TMEM38B: variants seen among roughly 807,000 people sequenced by gnomAD.
TMEM38B encodes trimeric intracellular cation channel type B.
In TMEM38B, 24 loss-of-function variants were observed where a neutral mutation model predicts 28.7. The ratio of observed to expected loss-of-function variants is 0.84; its 90% confidence interval spans 0.61 to 1.18. TMEM38B has a LOEUF of 1.18. Ranked by LOEUF, TMEM38B falls within the 50% of genes most tolerant of loss-of-function variation. The pLI, the probability that TMEM38B is intolerant of heterozygous loss-of-function variation, is 0.00. For missense variants in TMEM38B, 380 were observed against 350.9 expected (o/e 1.08, Z -0.66); for synonymous variants, 131 against 127.7 (o/e 1.03, Z -0.17).
chr9:105,713,648 G>A (rs969948139), intron 2 of TMEM38B, among the ~76,000 whole-genome samples: 1 of 152,176 alleles, frequency 6.6e-6, no homozygotes, highest in African/African-American at 2.4e-5. Flanking sequence ...AGGCAGACAG[G>A]CTTCTTGGTG....
intron 2 of TMEM38B, among the ~76,000 whole-genome samples, chr9:105,713,032 C>T (rs368475962): frequency 6.6e-6 from 1 of 152,362 alleles, no homozygotes; most frequent in African/African-American, 2.4e-5. Flanking sequence ...CAGTGCCATG[C>T]ACCACGGAGC....
chr9:105,741,688 C>G (rs780710805), intron 4 of TMEM38B, among the ~76,000 whole-genome samples: 5 of 152,110 alleles, frequency 3.3e-5, no homozygotes, highest in Non-Finnish European at 7.4e-5. Context: ...GCAAAGTGTT[C>G]CAGGTACAGC....
chr9:105,733,415 T>C (rs1451105553), intron 4 of TMEM38B, among the ~76,000 whole-genome samples: 2 of 138,210 alleles, frequency 1.4e-5, no homozygotes, highest in African/African-American at 6.4e-5. Context: ...TGCAGTTTTC[T>C]TTTTTCTTTT....
chr9:105,761,075 T>G (rs886295351), intron 5 of TMEM38B, among the ~76,000 whole-genome samples: 1 of 152,228 alleles, frequency 6.6e-6, no homozygotes, highest in African/African-American at 2.4e-5. Context: ...GATTAAACTA[T>G]AATTCTGTTT....
chr9:105,773,949 C>T lies in TMEM38B; in HGVS notation c.745C>T (p.Gln249Ter). Residue 249 changes from glutamine (Q) to a stop codon, truncating the protein, a stop_gained, in exon 6 of 6, where the codon CAG (glutamine) becomes TAG (stop). Transcript: ENST00000374692. LOFTEE classifies it low-confidence loss of function (END_TRUNC). Reference protein sequence around the residue: ...TLSWMLFGWQQPFSSCEKKSE... With the variant: ...TLSWMLFGWQ Reference sequence around the variant, plus strand: ...GAGTTGGATGCTATTTGGCTGGCAGCAGCCGTTTTCATCATGTGAGAAGAA... The same window carrying T: ...GAGTTGGATGCTATTTGGCTGGCAGTAGCCGTTTTCATCATGTGAGAAGAA... The T allele has an allele frequency of 1.2e-6, 2 of 1,613,766 alleles. No individual in the cohort carries two copies. The highest frequency in any genetic ancestry group is 1.7e-6 in the Non-Finnish European group (2 of 1,179,780).
rs1836284342 is a variant in TMEM38B, at chr9:105,720,706, C to A, written c.270-831C>A. On this transcript the variant is annotated intron_variant, in intron 2 of 5. Coordinates refer to ENST00000374692, the MANE Select transcript of TMEM38B (RefSeq NM_018112.3). Reference sequence around the variant, plus strand: ...TTTTAAAAGAGATATGATATTCTTTCATGCCATGTCTTTTATTTACCCCGT... The same window carrying A: ...TTTTAAAAGAGATATGATATTCTTTAATGCCATGTCTTTTATTTACCCCGT... 4.6e-5 allele frequency among the ~76,000 whole-genome samples: 7 copies of A among 152,148 alleles called. No homozygotes were observed. The South Asian group carries it at 1.5e-3, about 32-fold the overall frequency.
At chr9:105,737,770 T>G (rs546145637) in intron 4 of TMEM38B, among the ~76,000 whole-genome samples, 21 of 152,242 alleles carry the variant, frequency 1.4e-4, no homozygotes, top group African/African-American at 4.6e-4. Flanking sequence ...GGAATTGGAG[T>G]GCCACGTCAG....
intron 4 of TMEM38B, among the ~76,000 whole-genome samples, chr9:105,745,880 G>C (rs184510009): frequency 0.032 from 4,864 of 152,092 alleles, 108 homozygotes; most frequent in South Asian, 0.092. Context: ...TGTCAAAGAT[G>C]AAATAGTTGT....
intron 5 of TMEM38B, chr9:105,759,881 A>C: frequency 1.3e-6 from 2 of 1,591,476 alleles, no homozygotes; most frequent in South Asian, 2.3e-5. Context: ...ACAAGAAGGA[A>C]TAGTTGTATC....
At chr9:105,759,800 A>G in intron 5 of TMEM38B, 1 of 1,608,568 alleles carries the variant, frequency 6.2e-7, no homozygotes, top group Non-Finnish European at 8.5e-7. Context: ...CAAGACCAAG[A>G]GGAGTTGTGT....
chr9:105,756,502 ACTTTAAT>A (rs1837836284), intron 5 of TMEM38B, among the ~76,000 whole-genome samples: 1 of 152,154 alleles, frequency 6.6e-6, no homozygotes, highest in Non-Finnish European at 1.5e-5. Context: ...TGAGTTTCTA[ACTTTAAT>A]CTTTAAAGAA....
In TMEM38B at chr9:105,748,247, A is replaced by T. The variant is rs1240543619; in HGVS notation, c.660+57A>T. ...AATCCTGTATAACTATTCCCCTTTG[A>T]TACAATTTTGCATGCTGGGCAAGTA... On this transcript the variant is annotated intron_variant, in intron 5 of 5. Transcript: ENST00000374692. 3 of 1,303,202 alleles carry T rather than the reference A, an allele frequency of 2.3e-6. No homozygotes were observed. The African/African-American group carries it at 4.4e-5, about 19-fold the overall frequency. The allele number at this position is 1,303,202 out of a possible 1,614,324, so 80.7% of individuals were successfully genotyped here.
At chr9:105,767,617 C>G (rs966074887) in intron 5 of TMEM38B, among the ~76,000 whole-genome samples, 1 of 152,012 alleles carries the variant, frequency 6.6e-6, no homozygotes, top group Non-Finnish European at 1.5e-5. Flanking sequence ...TTTTGGAGTA[C>G]TATTTTGTGG....
At chr9:105,758,724 A>G (rs764665264) in intron 5 of TMEM38B, 8 of 734,234 alleles carry the variant, frequency 1.1e-5, no homozygotes, top group Non-Finnish European at 1.9e-5. Context: ...TTCCAAAGAT[A>G]AAGATAGTAT....
chr9:105,711,811 C>T (rs999160982), intron 2 of TMEM38B, among the ~76,000 whole-genome samples: 1 of 150,436 alleles, frequency 6.6e-6, no homozygotes, highest in Non-Finnish European at 1.5e-5. Flanking sequence ...AGGAGTGAGA[C>T]CCTGTCTCCA....
intron 5 of TMEM38B, among the ~76,000 whole-genome samples, chr9:105,752,283 G>A (rs73520072): frequency 0.075 from 11,344 of 152,160 alleles, 947 homozygotes; most frequent in African/African-American, 0.21. Flanking sequence ...TTCAGACAAG[G>A]AAGGTCTCCC....
intron 4 of TMEM38B, among the ~76,000 whole-genome samples, chr9:105,724,134 C>A (rs1017117998): frequency 6.6e-6 from 1 of 152,114 alleles, no homozygotes; most frequent in Non-Finnish European, 1.5e-5. Context: ...CTGTGCCTGG[C>A]CCAGACTCAG....
chr9:105,701,355 A>G (rs1835455232), intron 1 of TMEM38B: 1 of 152,196 alleles, frequency 6.6e-6, no homozygotes, highest in Non-Finnish European at 1.5e-5. Flanking sequence ...GTGATGTGTG[A>G]TTTCTCAATG....
chr9:105,764,734 T>G (rs1462677710), intron 5 of TMEM38B, among the ~76,000 whole-genome samples: 4 of 151,096 alleles, frequency 2.6e-5, no homozygotes, highest in African/African-American at 9.8e-5. Context: ...AAAAACTACT[T>G]TAAAGTTCAT....
Sources: gnomAD v4.1 joint callset for allele counts (sites outside exome capture counted in the v4.1 genomes callset) on GRCh38, gnomAD v4.1.1 for gene constraint, MANE v1.5 for transcripts, NCBI Gene and HGNC (gene_info 2026-07-23, HGNC 2026-07-21) for gene names.